AMMECR1: variants seen among roughly 807,000 people sequenced by gnomAD.
AMMECR1 encodes nuclear protein AMMECR1.
Under a neutral mutation model 22.5 loss-of-function variants are expected in AMMECR1, and 3 were observed. The ratio of observed to expected loss-of-function variants is 0.13; its 90% CI spans 0.06 to 0.35. AMMECR1 has a LOEUF of 0.35. AMMECR1 is among the 10% of genes least tolerant of loss of function. The pLI, the probability that AMMECR1 is intolerant of heterozygous loss-of-function variation, is 1.00. For synonymous variants in AMMECR1, 130 were observed against 116.7 expected (o/e 1.11, Z -0.74); for missense variants, 235 against 278.7 (o/e 0.84, Z 1.12).
At chrX:110,223,352 TAATTTA>T (rs2067514346) in intron 2 of AMMECR1, among the ~76,000 whole-genome samples, 1 of 112,363 alleles carries the variant, frequency 8.9e-6, no homozygotes, top group Non-Finnish European at 1.9e-5. Flanking sequence ...AAAATGAATA[TAATTTA>T]ATTTTCTCTT....
chrX:110,337,471 C>T (rs952231656), intron 2 of AMMECR1, among the ~76,000 whole-genome samples: 6 of 111,404 alleles, frequency 5.4e-5, no homozygotes, highest in African/African-American at 1.6e-4. Context: ...AAACTGCCTC[C>T]ACTTTCTACA....
intron 1 of AMMECR1, chrX:110,309,392 A>G (rs1351607046): frequency 8.9e-6 from 1 of 112,228 alleles, no homozygotes; most frequent in Admixed American, 9.4e-5. Flanking sequence ...ATCGAATGGC[A>G]AGGTGAACTA....
chrX:110,335,444 T>A (rs1260414700), intron 2 of AMMECR1, among the ~76,000 whole-genome samples: 1 of 111,915 alleles, frequency 8.9e-6, no homozygotes, highest in Non-Finnish European at 1.9e-5. Context: ...ATTACTGTGA[T>A]ATCCAGCATA....
At chrX:110,437,775 G>A (rs1359974813) in intron 1 of AMMECR1, among the ~76,000 whole-genome samples, 1 of 111,303 alleles carries the variant, frequency 9.0e-6, no homozygotes, top group African/African-American at 3.3e-5. Flanking sequence ...TACTCTCTCT[G>A]GGCTGAAGAA....
chrX:110,261,492 A>G (rs1281076920), intron 2 of AMMECR1, among the ~76,000 whole-genome samples: 1 of 111,215 alleles, frequency 9.0e-6, no homozygotes, highest in Non-Finnish European at 1.9e-5. Context: ...AGAATCACCA[A>G]TTTTTATGTT....
At chrX:110,336,358 G>T (rs958519415) in intron 2 of AMMECR1, among the ~76,000 whole-genome samples, 2 of 110,746 alleles carry the variant, frequency 1.8e-5, no homozygotes, top group Non-Finnish European at 3.8e-5. Flanking sequence ...ACTCGTAGAT[G>T]AACATTATTT....
Position 110,236,267 on chromosome X carries a change from A to G in AMMECR1, c.585-19635T>C, listed in dbSNP as rs146228818. Among the ~76,000 whole-genome samples, 605 of 112,239 alleles carry G rather than the reference A, an allele frequency of 5.4e-3. 3 individuals carry two copies. Among genetic ancestry groups the G allele is most frequent in the African/African-American group, 0.019 (587 of 30,863 alleles). ...CTACATTCAATTTCAATGCTGTGGA[A>G]CACCTTGTTTCATTGAAGTTTTACT... On this transcript the variant is annotated intron_variant, in intron 2 of 5. Coordinates refer to ENST00000262844, the MANE Select transcript of AMMECR1 (RefSeq NM_015365.3).
chrX:110,393,424 C>T (rs1316045267), intron 2 of AMMECR1, among the ~76,000 whole-genome samples: 2 of 111,787 alleles, frequency 1.8e-5, no homozygotes, highest in Non-Finnish European at 3.8e-5. Flanking sequence ...AAGGCAGATA[C>T]TATTATCTTC....
At chrX:110,212,394 G>A (rs996292085) in intron 3 of AMMECR1, among the ~76,000 whole-genome samples, 1 of 111,091 alleles carries the variant, frequency 9.0e-6, no homozygotes, top group Non-Finnish European at 1.9e-5. Context: ...CTTTAATCTG[G>A]GCATTTTCAT....
At chrX:110,203,292 A>C (rs1182155366) in intron 3 of AMMECR1, among the ~76,000 whole-genome samples, 2 of 111,796 alleles carry the variant, frequency 1.8e-5, no homozygotes, top group African/African-American at 6.5e-5. Flanking sequence ...AATGTAAAAC[A>C]AGCTTGTGGT....
intron 2 of AMMECR1, among the ~76,000 whole-genome samples, chrX:110,412,105 A>T (rs187106142): frequency 2.6e-3 from 293 of 112,746 alleles, no homozygotes; most frequent in African/African-American, 8.8e-3. Context: ...TTAAAACAAT[A>T]TTGAGATGAT....
chrX:110,210,205 A>G (rs1007770552), intron 3 of AMMECR1, among the ~76,000 whole-genome samples: 1 of 109,539 alleles, frequency 9.1e-6, no homozygotes, highest in Admixed American at 9.8e-5. Context: ...CTCTTTCTAG[A>G]TGGCCAGGAA....
intron 2 of AMMECR1, among the ~76,000 whole-genome samples, chrX:110,341,098 C>T (rs749760523): frequency 8.9e-6 from 1 of 112,542 alleles, no homozygotes; most frequent in Non-Finnish European, 1.9e-5. Flanking sequence ...TTTTGTTTCA[C>T]TTTGTTTTAA....
At chrX:110,326,180 C>T (rs1239329791) in intron 2 of AMMECR1, among the ~76,000 whole-genome samples, 15 of 110,901 alleles carry the variant, frequency 1.4e-4, no homozygotes, top group Admixed American at 4.8e-4. Flanking sequence ...TTAGTAGAAA[C>T]GGGGTTTCAC....
At position 110,198,518 on chromosome X, in the gene AMMECR1, T is replaced by C; in HGVS notation, c.*2A>G. ...CCCAGTGACTGGTTGTGCGGCTCAG[T>C]GTCAGGAATAATGGTTGTATGGCGG... is the stretch of plus-strand genomic sequence containing the variant. On this transcript the variant is annotated 3_prime_UTR_variant, in exon 6 of 6. Transcript: ENST00000262844. The C allele has an allele frequency of 2.6e-6, 3 of 1,159,438 alleles. No individual in the cohort carries two copies. Among genetic ancestry groups the C allele is most frequent in the African/African-American group, 1.8e-5 (1 of 56,216 alleles).
chrX:110,267,768 C>T (rs1258591735), intron 1 of AMMECR1, among the ~76,000 whole-genome samples: 1 of 112,120 alleles, frequency 8.9e-6, no homozygotes, highest in Admixed American at 9.5e-5. Flanking sequence ...TATATACATA[C>T]ACCATTCTTA....
intron 2 of AMMECR1, among the ~76,000 whole-genome samples, chrX:110,339,977 C>CACAT (rs779018568): frequency 1.2e-5 from 1 of 83,308 alleles, no homozygotes; most frequent in Non-Finnish European, 2.6e-5. Context: ...AAAACATACA[C>CACAT]ACACACACAC....
rs571357995 is a variant in AMMECR1, at chrX:110,403,496, G to A, written c.-148+23162C>T. Among the ~76,000 whole-genome samples the A allele has an allele frequency of 5.4e-5, 6 of 110,772 alleles. No homozygotes were observed. In the South Asian group the frequency reaches 2.0e-3, roughly 37 times the overall value. On this transcript the variant is annotated intron_variant, in intron 2 of 7. Coordinates refer to the AMMECR1 transcript ENST00000372057. Reference sequence around the variant, plus strand: ...TGCGCGCACACACATGCACATGCCCGGATCCTTCTCCAAACACGTCCATGA... The same window carrying A: ...TGCGCGCACACACATGCACATGCCCAGATCCTTCTCCAAACACGTCCATGA...
At chrX:110,300,994 T>C (rs1405824680) in intron 1 of AMMECR1, among the ~76,000 whole-genome samples, 2 of 112,051 alleles carry the variant, frequency 1.8e-5, no homozygotes, top group Non-Finnish European at 3.8e-5. Context: ...TGACAGTTCT[T>C]ATTGATTGCT....
Sources: gnomAD v4.1 joint callset for allele counts (sites outside exome capture counted in the v4.1 genomes callset) on GRCh38, gnomAD v4.1.1 for gene constraint, MANE v1.5 for transcripts, NCBI Gene and HGNC (gene_info 2026-07-23, HGNC 2026-07-21) for gene names.